The following PIGN variants were observed in gnomAD, a reference collection of about 807,000 sequenced individuals.
PIGN encodes the protein GPI ethanolamine phosphate transferase 1.
In PIGN, 117 loss-of-function variants were observed where a neutral mutation model predicts 125.4. That is an observed-to-expected ratio of 0.93 (90% CI 0.80 to 1.09). The LOEUF is 1.09. Among genes scored for constraint, PIGN ranks in the 50% least tolerant of loss-of-function variants. The pLI is 0.00. For missense variants in PIGN, 1,075 were observed against 1,094.9 expected, an observed-to-expected ratio of 0.98 and a Z score of 0.26; for synonymous variants, 392 against 377.8, an observed-to-expected ratio of 1.04 and a Z score of -0.44.
At chr18:62,178,928 C>CAG (rs2037621051) in intron 1 of PIGN, among the ~76,000 whole-genome samples, 1 of 152,132 alleles carries the variant, frequency 6.6e-6, no homozygotes, top group African/African-American at 2.4e-5. Flanking sequence ...AGAAACTCTA[C>CAG]CAGGATACCA....
intron 19 of PIGN, among the ~76,000 whole-genome samples, chr18:62,106,394 T>G (rs1481933946): frequency 6.9e-6 from 1 of 144,904 alleles, no homozygotes; most frequent in Admixed American, 7.0e-5. Flanking sequence ...AAAAAAAAAC[T>G]GAGTGGCTCA....
At chr18:62,031,134 A>G (rs773944388) in intron 23 of PIGN, among the ~76,000 whole-genome samples, 1 of 152,224 alleles carries the variant, frequency 6.6e-6, no homozygotes, top group Non-Finnish European at 1.5e-5. Flanking sequence ...GGTTTCCCCC[A>G]TACAGTTCTC....
At position 62,113,190 on chromosome 18, in the gene PIGN, A is replaced by G. The variant is rs1011267625; in HGVS notation, c.1378T>C (p.Leu460=). 1.2e-6 allele frequency: 2 copies of G among 1,612,812 alleles called. No individual in the cohort carries two copies. Residue 460 remains leucine (L), a synonymous_variant, in exon 16 of 31, where the codon TTG becomes CTG. Transcript: ENST00000640252. ...GFVGWISYAS[L]LIIKSHSNLI... is the part of the protein sequence containing the mutation. ...TTGGAATGAGACTTGATGATCAACA[A>G]AGAGGCATAAGATATCCATCCCACA...
At chr18:62,177,595 T>C (rs551312549) in intron 1 of PIGN, among the ~76,000 whole-genome samples, 2 of 152,348 alleles carry the variant, frequency 1.3e-5, no homozygotes, top group East Asian at 1.9e-4. Context: ...ATATGCTTTT[T>C]TGTAACTTTC....
rs2033909949 is a variant in PIGN, at chr18:62,090,579, C to T, written c.2181-1G>A. 1 of 1,560,234 alleles carries T rather than the reference C, an allele frequency of 6.4e-7. No homozygotes were observed. The highest frequency in any genetic ancestry group is 1.7e-5 in the Admixed American group (1 of 58,954). ...CACTAGTGGAAAGAGAGCTTCATAC[C>T]TAACAGGTGGGGAAAGGTAGAAATG... On this transcript the variant is annotated splice_acceptor_variant, in intron 23 of 30. Coordinates refer to ENST00000640252, the MANE Select transcript of PIGN (RefSeq NM_176787.5). LOFTEE classifies it high-confidence loss of function.
chr18:62,133,006 G>A (rs768556341), intron 14 of PIGN, among the ~76,000 whole-genome samples: 22 of 152,136 alleles, frequency 1.4e-4, no homozygotes, highest in Non-Finnish European at 2.4e-4. Flanking sequence ...GAAGTGATAT[G>A]CATTCAGTAG....
At chr18:62,052,685 G>C (rs2031411552) in intron 30 of PIGN, 1 of 152,740 alleles carries the variant, frequency 6.5e-6, no homozygotes, top group Admixed American at 6.6e-5. Context: ...TTTAATTGGA[G>C]CATTTAGTCC....
At chr18:62,063,023 C>T (rs1020719673) in intron 30 of PIGN, among the ~76,000 whole-genome samples, 4 of 149,302 alleles carry the variant, frequency 2.7e-5, no homozygotes, top group Admixed American at 1.4e-4. Context: ...TCATGATAGA[C>T]GTTAAATGCA....
At position 62,154,268 on chromosome 18, in the gene PIGN, C is replaced by T. The variant is rs180711541; in HGVS notation, c.549+277G>A. On this transcript the variant is annotated intron_variant, in intron 7 of 30. Coordinates refer to ENST00000640252, the MANE Select transcript of PIGN (RefSeq NM_176787.5). ...TCTGATTCCATGGTCAATGAAAGAT[C>T]AAAATTTACCCAGGATGAATCACAA... 1.4e-4 allele frequency: 63 copies of T among 452,496 alleles called. 1 individual carries two copies. Among genetic ancestry groups the T allele is most frequent in the African/African-American group, 9.8e-4 (48 of 48,738 alleles). The allele number at this position is 452,496 out of a possible 1,614,324, so 28.0% of individuals were successfully genotyped here.
intron 22 of PIGN, among the ~76,000 whole-genome samples, chr18:62,098,000 T>C (rs1469110518): frequency 6.6e-6 from 1 of 152,194 alleles, no homozygotes; most frequent in Non-Finnish European, 1.5e-5. Flanking sequence ...CTGAATCACT[T>C]ACTAACTGTT....
At chr18:62,137,154 GC>G in intron 14 of PIGN, 1 of 398,630 alleles carries the variant, frequency 2.5e-6, no homozygotes. Context: ...GAGCAGACTT[GC>G]TGAGTTTTCC....
rs145171891 is a variant in PIGN, at chr18:62,186,634, G to A, written c.-236+210C>T. On this transcript the variant is annotated intron_variant, in intron 1 of 30. Transcript: ENST00000640252. ...AAGTCGTGCTGTCGCTAGGCCTCCC[G>A]AGTGTGCAAGCATGTGGCAGAGAAG... Among the ~76,000 whole-genome samples the A allele has an allele frequency of 1.5e-3, 231 of 152,302 alleles. 1 individual carries two copies. The highest frequency in any genetic ancestry group is 5.2e-3 in the African/African-American group (215 of 41,572).
chr18:62,092,557 G>T (rs1341799078), intron 23 of PIGN, among the ~76,000 whole-genome samples: 1 of 149,944 alleles, frequency 6.7e-6, no homozygotes, highest in Admixed American at 6.7e-5. Flanking sequence ...TATTAAAATG[G>T]TGGCTAGAAA....
intron 14 of PIGN, among the ~76,000 whole-genome samples, chr18:62,127,689 T>G (rs1373793020): frequency 2.0e-5 from 3 of 151,722 alleles, no homozygotes; most frequent in Non-Finnish European, 2.9e-5. Flanking sequence ...TTTGTGTGTT[T>G]TTTTTTTGTT....
chr18:62,185,911 C>T (rs896100084), intron 1 of PIGN, among the ~76,000 whole-genome samples: 3 of 152,148 alleles, frequency 2.0e-5, no homozygotes, highest in African/African-American at 7.2e-5. Flanking sequence ...TAAAATAGTT[C>T]TAAGTTCCAA....
intron 30 of PIGN, among the ~76,000 whole-genome samples, chr18:62,058,411 T>C (rs573116119): frequency 6.6e-6 from 1 of 152,316 alleles, no homozygotes; most frequent in Admixed American, 6.5e-5. Flanking sequence ...TCCATGCAGT[T>C]CATGGCCTTT....
intron 30 of PIGN, among the ~76,000 whole-genome samples, chr18:62,061,782 A>C (rs1477268718): frequency 6.6e-6 from 1 of 152,206 alleles, no homozygotes; most frequent in Non-Finnish European, 1.5e-5. Context: ...ATGTACCTTC[A>C]CACAAGAATA....
intron 23 of PIGN, among the ~76,000 whole-genome samples, chr18:62,024,640 T>C (rs922726303): frequency 2.6e-5 from 4 of 152,186 alleles, no homozygotes; most frequent in Admixed American, 2.0e-4. Context: ...TCTACCTTTA[T>C]ATGCATCCCT....
At chr18:62,136,341 A>C (rs2035931860) in intron 14 of PIGN, 1 of 152,120 alleles carries the variant, frequency 6.6e-6, no homozygotes, top group Non-Finnish European at 1.5e-5. Context: ...AGGGTAATGT[A>C]ATATTTATGC....
Sources: gnomAD v4.1 joint callset for allele counts (sites outside exome capture counted in the v4.1 genomes callset) on GRCh38, gnomAD v4.1.1 for gene constraint, MANE v1.5 for transcripts, NCBI Gene and HGNC (gene_info 2026-07-23, HGNC 2026-07-21) for gene names.